The following RAB31 variants were observed in gnomAD, a reference collection of about 807,000 sequenced individuals.
RAB31 encodes RAB31, member RAS oncogene family.
In RAB31, 21 loss-of-function variants were observed where a neutral mutation model predicts 25.6. That is an observed-to-expected ratio of 0.82 (90% confidence interval 0.58 to 1.18). The LOEUF (loss-of-function observed/expected upper bound fraction) is 1.18. RAB31 is among the 50% of genes most tolerant of loss of function. RAB31 has a pLI of 0.00. For missense variants in RAB31, 196 were observed against 250.1 expected (o/e 0.78, Z 1.46); for synonymous variants, 87 against 84.0 (o/e 1.04, Z -0.20).
intron 1 of RAB31, among the ~76,000 whole-genome samples, chr18:9,765,448 TG>T (rs2068311069): frequency 6.6e-6 from 1 of 152,326 alleles, no homozygotes; most frequent in Admixed American, 6.5e-5. Context: ...TCTTATAGAA[TG>T]GGTGGTAATA....
intron 3 of RAB31, 42 bp downstream of exon 3, chr18:9,792,277 A>G: frequency 6.4e-7 from 1 of 1,574,006 alleles, no homozygotes; most frequent in Non-Finnish European, 8.6e-7. Flanking sequence ...GATCCAGTGA[A>G]AATAAGATCA....
At chr18:9,801,764 G>T (rs1038108183) in intron 3 of RAB31, among the ~76,000 whole-genome samples, 1 of 152,142 alleles carries the variant, frequency 6.6e-6, no homozygotes, top group African/African-American at 2.4e-5. Context: ...CTAACCTAAG[G>T]TCGTAAAGGT....
intron 2 of RAB31, among the ~76,000 whole-genome samples, chr18:9,779,487 T>C (rs1253163037): frequency 1.3e-5 from 2 of 152,180 alleles, no homozygotes; most frequent in African/African-American, 4.8e-5. Flanking sequence ...TCCACTTAGG[T>C]CCTCCTTATT....
Position 9,818,608 on chromosome 18 carries a change from C to A in RAB31, c.380+3386C>A, listed in dbSNP as rs138825564. On this transcript the variant is annotated intron_variant, in intron 5 of 6. Transcript: ENST00000578921. ...TCACACATTAACATTTGAATTATTT[C>A]TACTTTTTTGCTATTATGAAAAATG... 1.5e-3 allele frequency among the ~76,000 whole-genome samples: 230 copies of A among 152,222 alleles called. 1 individual carries two copies. Among genetic ancestry groups the A allele is most frequent in the Non-Finnish European group, 2.3e-3 (156 of 67,998 alleles).
chr18:9,743,598 C>T (rs189254677), intron 1 of RAB31, among the ~76,000 whole-genome samples: 201 of 152,286 alleles, frequency 1.3e-3, no homozygotes, highest in African/African-American at 4.6e-3. Context: ...GTCCGGCCCT[C>T]CCGGATATGC....
intron 1 of RAB31, among the ~76,000 whole-genome samples, chr18:9,763,095 G>A (rs1014277615): frequency 1.3e-5 from 2 of 152,120 alleles, no homozygotes; most frequent in Non-Finnish European, 2.9e-5. Flanking sequence ...ATTAGGAACA[G>A]TTTCTTTAGG....
At chr18:9,748,096 T>A (rs971172705) in intron 1 of RAB31, among the ~76,000 whole-genome samples, 1 of 152,224 alleles carries the variant, frequency 6.6e-6, no homozygotes, top group Non-Finnish European at 1.5e-5. Flanking sequence ...AATTACAAGT[T>A]ACTGGTGGCG....
chr18:9,797,072 G>T (rs892241462), intron 3 of RAB31, among the ~76,000 whole-genome samples: 2 of 152,140 alleles, frequency 1.3e-5, no homozygotes, highest in Non-Finnish European at 2.9e-5. Flanking sequence ...TTCTGTGCAC[G>T]GGAAGCAGCT....
intron 3 of RAB31, among the ~76,000 whole-genome samples, chr18:9,806,357 T>C (rs2068541268): frequency 6.6e-6 from 1 of 152,118 alleles, no homozygotes; most frequent in Non-Finnish European, 1.5e-5. Context: ...ATGGTCCAGA[T>C]AGGGATTCAG....
At chr18:9,809,720 G>C (rs573559409) in intron 3 of RAB31, among the ~76,000 whole-genome samples, 1 of 152,224 alleles carries the variant, frequency 6.6e-6, no homozygotes, top group African/African-American at 2.4e-5. Flanking sequence ...GTTAGACATT[G>C]AGATTGCTTA....
At chr18:9,831,634 T>C (rs1027604292) in intron 5 of RAB31, among the ~76,000 whole-genome samples, 1 of 152,206 alleles carries the variant, frequency 6.6e-6, no homozygotes, top group Non-Finnish European at 1.5e-5. Context: ...CACGGCGCTG[T>C]GGCATGGCCC....
intron 1 of RAB31, chr18:9,735,481 T>C: frequency 4.7e-6 from 1 of 211,498 alleles, no homozygotes; most frequent in South Asian, 8.5e-5. Flanking sequence ...AAGTTGATCC[T>C]GTGGTGGTGC....
At chr18:9,767,721 TTTA>T (rs2068323333) in intron 1 of RAB31, among the ~76,000 whole-genome samples, 1 of 152,062 alleles carries the variant, frequency 6.6e-6, no homozygotes, top group South Asian at 2.1e-4. Context: ...AATTATTATT[TTTA>T]TTATTATTAT....
chr18:9,765,037 A>C (rs1383317589), intron 1 of RAB31, among the ~76,000 whole-genome samples: 1 of 151,728 alleles, frequency 6.6e-6, no homozygotes, highest in African/African-American at 2.4e-5. Context: ...ACGGCAACCT[A>C]CGCCTCCTGG....
chr18:9,783,398 G>C (rs1167015807), intron 2 of RAB31, among the ~76,000 whole-genome samples: 2 of 152,140 alleles, frequency 1.3e-5, no homozygotes, highest in Non-Finnish European at 2.9e-5. Context: ...CACTGTGGAG[G>C]GGTTGGACTG....
intron 5 of RAB31, among the ~76,000 whole-genome samples, chr18:9,839,104 A>G (rs1167920633): frequency 6.6e-6 from 1 of 152,196 alleles, no homozygotes; most frequent in African/African-American, 2.4e-5. Flanking sequence ...GCCTGTTTGA[A>G]CAGAGAGACA....
At chr18:9,720,981 C>T (rs542756570) in intron 1 of RAB31, among the ~76,000 whole-genome samples, 1 of 152,196 alleles carries the variant, frequency 6.6e-6, no homozygotes, top group South Asian at 2.1e-4. Context: ...GCAGGTCGTT[C>T]TCTGGGGTCC....
intron 2 of RAB31, among the ~76,000 whole-genome samples, chr18:9,783,945 G>A (rs530957957): frequency 2.6e-5 from 4 of 152,174 alleles, no homozygotes; most frequent in East Asian, 1.9e-4. Flanking sequence ...ACACCATTAT[G>A]GACATGTAGG....
chr18:9,765,237 A>G (rs2068309806), intron 1 of RAB31, among the ~76,000 whole-genome samples: 1 of 152,202 alleles, frequency 6.6e-6, no homozygotes, highest in Non-Finnish European at 1.5e-5. Flanking sequence ...TACAGGTGCG[A>G]GCCACCACAC....
Sources: allele counts gnomAD v4.1 joint callset (sites outside exome capture counted in the v4.1 genomes callset), GRCh38; gene constraint gnomAD v4.1.1; transcripts MANE v1.5; gene names NCBI Gene and HGNC (gene_info 2026-07-23, HGNC 2026-07-21).